The following BRD4 variants were observed in gnomAD, a reference collection of about 807,000 sequenced individuals.
BRD4 encodes bromodomain-containing protein 4.
In BRD4, 16 loss-of-function variants were observed where a neutral mutation model predicts 142.1. The ratio of observed to expected loss-of-function variants is 0.11; its 90% CI spans 0.08 to 0.17. BRD4 has a LOEUF of 0.17. BRD4 is among the 10% of genes least tolerant of loss of function. The probability of loss-of-function intolerance (pLI) is 1.00; values close to 1 mark genes in which losing one functional copy is unlikely to be tolerated. For missense variants in BRD4, 1,424 were observed against 1,810.9 expected, an observed-to-expected ratio of 0.79 and a Z score of 3.88; for synonymous variants, 833 against 707.5, an observed-to-expected ratio of 1.18 and a Z score of -2.82.
intron 1 of BRD4, among the ~76,000 whole-genome samples, chr19:15,322,966 C>A (rs1475371254): frequency 6.6e-6 from 1 of 151,096 alleles, no homozygotes; most frequent in Admixed American, 6.6e-5. Flanking sequence ...AGGAGAATGG[C>A]GTGGACCTGG....
intron 1 of BRD4, among the ~76,000 whole-genome samples, chr19:15,284,695 G>A (rs1402365445): frequency 6.6e-6 from 1 of 152,162 alleles, no homozygotes; most frequent in African/African-American, 2.4e-5. Flanking sequence ...CCAGACAACT[G>A]AACTGAATCT....
chr19:15,278,274 C>A (rs1183395454), intron 1 of BRD4, among the ~76,000 whole-genome samples: 2 of 152,018 alleles, frequency 1.3e-5, no homozygotes, highest in African/African-American at 4.8e-5. Flanking sequence ...GCGGGCCACA[C>A]CTGTAATCCC....
intron 10 of BRD4, among the ~76,000 whole-genome samples, 181 bp downstream of exon 10, chr19:15,255,112 CACTG>C (rs937613843): frequency 3.3e-5 from 5 of 151,372 alleles, no homozygotes; most frequent in African/African-American, 1.2e-4. Context: ...TGTAGAAAGG[CACTG>C]ACAGCCTAGG....
At chr19:15,272,767 G>A (rs776631855) in intron 2 of BRD4, 48 bp downstream of exon 2, 1 of 1,557,198 alleles carries the variant, frequency 6.4e-7, no homozygotes, top group Non-Finnish European at 8.7e-7. Context: ...AGACATGCAG[G>A]AGACGACCTC....
At chr19:15,283,454 A>G (rs1334338492) in intron 1 of BRD4, among the ~76,000 whole-genome samples, 1 of 152,200 alleles carries the variant, frequency 6.6e-6, no homozygotes, top group Non-Finnish European at 1.5e-5. Flanking sequence ...TATATACCAA[A>G]CACCAGGGAA....
chr19:15,268,873 A>G, intron 3 of BRD4, 32 bp downstream of exon 3: 1 of 1,612,170 alleles, frequency 6.2e-7, no homozygotes, highest in South Asian at 1.1e-5. Flanking sequence ...CTCTCTCCCC[A>G]GGGCAGCTGG....
rs2145501737 is a variant in BRD4, at chr19:15,239,666, C to T, written c.3438G>A (p.Leu1146=). 1.3e-6 allele frequency: 2 copies of T among 1,581,554 alleles called. No individual in the cohort carries two copies. Among genetic ancestry groups the T allele is most frequent in the Non-Finnish European group, 1.7e-6 (2 of 1,172,164 alleles). The change falls in exon 16 of 20, where the codon CTG becomes CTA. Residue 1146 remains leucine, a synonymous_variant. Coordinates refer to ENST00000679869, the MANE Select transcript of BRD4 (RefSeq NM_001379291.1). The surrounding 1 kb of genome is among the most constrained non-coding windows in gnomAD (Gnocchi z 7.4). The part of the protein sequence containing the change: ...HPESIKAPVH[L]PQRPEMKPVD... Reference sequence around the variant, plus strand: ...GGCAGGGAGAGCACTCACGCTGGGGCAGGTGGACGGGGGCCTTGATGCTCT... The same window carrying T: ...GGCAGGGAGAGCACTCACGCTGGGGTAGGTGGACGGGGGCCTTGATGCTCT...
At chr19:15,293,904 C>T (rs1303906866) in intron 1 of BRD4, among the ~76,000 whole-genome samples, 1 of 152,172 alleles carries the variant, frequency 6.6e-6, no homozygotes, top group Admixed American at 6.5e-5. Context: ...AATATTTGCC[C>T]TTTTGTGTCT....
chr19:15,314,248 G>C (rs895519622), intron 1 of BRD4, among the ~76,000 whole-genome samples: 5 of 152,176 alleles, frequency 3.3e-5, no homozygotes, highest in Non-Finnish European at 7.3e-5. Context: ...CGCATAGAAT[G>C]AATGAAATGA....
intron 1 of BRD4, among the ~76,000 whole-genome samples, chr19:15,305,479 C>T (rs1294581412): frequency 1.3e-5 from 2 of 152,216 alleles, no homozygotes; most frequent in African/African-American, 4.8e-5. Flanking sequence ...AGGTGCATCA[C>T]CAATGAGTTG....
chr19:15,249,931 A>G (rs552973337), intron 11 of BRD4, among the ~76,000 whole-genome samples: 2 of 152,210 alleles, frequency 1.3e-5, no homozygotes, highest in South Asian at 2.1e-4. Flanking sequence ...TGAGGAGGAG[A>G]AAAAAAAGAA....
rs370301575 is a variant in BRD4 at position 15,238,188 on chromosome 19, G to A, written c.*189C>T. On this transcript the variant is annotated 3_prime_UTR_variant, in exon 20 of 20. Transcript: ENST00000679869. This position sits in a 1 kb window ranked among gnomAD's most constrained non-coding sequence, Gnocchi z 7.2. ...GTGGTGGGTGGCGGGACGTCTGTCC[G>A]ACTGGCCGTAAGGCAGACAGGCTCT... The A allele has an allele frequency of 4.4e-6, 4 of 901,696 alleles. No homozygotes were observed. The highest frequency in any genetic ancestry group is 1.8e-5 in the South Asian group (1 of 56,378). The allele number at this position is 901,696 out of a possible 1,614,324, so 55.9% of individuals were successfully genotyped here. A position where few individuals can be genotyped will look rare whatever the true frequency, so the allele number is the denominator to read the frequency against.
intron 7 of BRD4, among the ~76,000 whole-genome samples, chr19:15,260,529 C>T (rs1386166695): frequency 6.6e-6 from 1 of 152,230 alleles, no homozygotes; most frequent in African/African-American, 2.4e-5. Flanking sequence ...AACAGAAACA[C>T]CTCTACCAAG....
chr19:15,323,158 A>G (rs1399814014), intron 1 of BRD4, among the ~76,000 whole-genome samples: 1 of 144,670 alleles, frequency 6.9e-6, no homozygotes, highest in Non-Finnish European at 1.5e-5. Context: ...CCTGAGCAAC[A>G]CAGCAAGACT....
intron 1 of BRD4, among the ~76,000 whole-genome samples, chr19:15,320,915 G>C (rs2048055743): frequency 1.3e-5 from 2 of 152,212 alleles, no homozygotes; most frequent in African/African-American, 4.8e-5. Flanking sequence ...CTTGCTCCAA[G>C]TTCGGGGGTA....
intron 1 of BRD4, among the ~76,000 whole-genome samples, chr19:15,281,170 GGCA>G (rs1474177227): frequency 6.6e-6 from 1 of 152,246 alleles, no homozygotes; most frequent in Non-Finnish European, 1.5e-5. Flanking sequence ...CGTGCGCCGA[GGCA>G]GCTCTTAGAG....
intron 1 of BRD4, among the ~76,000 whole-genome samples, chr19:15,318,578 G>C (rs1176117472): frequency 6.6e-6 from 1 of 152,170 alleles, no homozygotes; most frequent in Non-Finnish European, 1.5e-5. Flanking sequence ...CAGTGCATGC[G>C]TAAGCAAATG....
intron 1 of BRD4, among the ~76,000 whole-genome samples, chr19:15,323,178 T>TTAAA (rs1555748003): frequency 5.5e-5 from 4 of 73,070 alleles, no homozygotes; most frequent in Admixed American, 1.8e-4. Flanking sequence ...TCCATCTCTT[T>TTAAA]AAAAAAAAAA....
At chr19:15,329,608 G>A (rs772489232) in intron 1 of BRD4, among the ~76,000 whole-genome samples, 53 of 152,014 alleles carry the variant, frequency 3.5e-4, no homozygotes, top group Non-Finnish European at 6.9e-4. Context: ...GCGTGGCGGC[G>A]CGTGCCTGTA....
Sources: gnomAD v4.1 joint callset for allele counts (sites outside exome capture counted in the v4.1 genomes callset) on GRCh38, gnomAD v4.1.1 for gene constraint, Gnocchi (gnomAD v3.1) non-coding constraint, MANE v1.5 for transcripts, NCBI Gene and HGNC (gene_info 2026-07-23, HGNC 2026-07-21) for gene names.